RAB3C: variants seen among roughly 807,000 people sequenced by gnomAD.
RAB3C encodes RAB3C, member RAS oncogene family, also known as ras-related protein Rab-3C.
RAB3C carries 17 observed loss-of-function variants against 26.4 expected under a neutral mutation model. That is an observed-to-expected ratio of 0.64 (90% confidence interval 0.44 to 0.97). RAB3C has a LOEUF of 0.97. Ranked by LOEUF, RAB3C falls within the 50% of genes least tolerant of loss-of-function variation. The probability of loss-of-function intolerance (pLI) is 0.00; values close to 1 mark genes in which losing one functional copy is unlikely to be tolerated. For synonymous variants in RAB3C, 91 were observed against 95.9 expected, an observed-to-expected ratio of 0.95 and a Z score of 0.30; for missense variants, 242 against 281.9, an observed-to-expected ratio of 0.86 and a Z score of 1.01.
chr5:58,698,980 C>T (rs1039222817), intron 2 of RAB3C, among the ~76,000 whole-genome samples: 10 of 152,186 alleles, frequency 6.6e-5, no homozygotes, highest in African/African-American at 1.4e-4. Context: ...TCACAAGGAG[C>T]TGCGATCCTT....
rs536945053 is a variant in RAB3C at position 58,768,504 on chromosome 5, T to C, written c.371+42384T>C. Among the ~76,000 whole-genome samples the C allele has an allele frequency of 2.0e-5, 3 of 152,064 alleles. No individual in the cohort carries two copies. In the East Asian group the frequency reaches 5.8e-4, roughly 29 times the overall value. ...AACAGATAAAATATGCAGTATCAGA[T>C]GGTGATATGTGCTTTGAAGAAAATA... On this transcript the variant is annotated intron_variant, in intron 3 of 4. Coordinates refer to ENST00000282878, the MANE Select transcript of RAB3C (RefSeq NM_138453.4).
intron 3 of RAB3C, chr5:58,741,851 A>C (rs550155169): frequency 2.0e-5 from 3 of 152,080 alleles, no homozygotes; most frequent in Admixed American, 6.5e-5. Flanking sequence ...CTAAAAATAC[A>C]AAAATTAGCA....
intron 2 of RAB3C, among the ~76,000 whole-genome samples, chr5:58,725,209 C>T (rs1740861596): frequency 6.6e-6 from 1 of 151,776 alleles, no homozygotes; most frequent in African/African-American, 2.4e-5. Flanking sequence ...CTACAGTATT[C>T]TTGGATGGCA....
intron 4 of RAB3C, among the ~76,000 whole-genome samples, chr5:58,837,745 G>C (rs987348099): frequency 4.7e-5 from 7 of 150,082 alleles, no homozygotes; most frequent in Non-Finnish European, 9.0e-5. Flanking sequence ...ATTTAGTAGA[G>C]ATGGGGTATC....
chr5:58,611,873 T>G (rs188523130), intron 1 of RAB3C, among the ~76,000 whole-genome samples: 11 of 152,210 alleles, frequency 7.2e-5, no homozygotes, highest in Admixed American at 5.9e-4. Context: ...TGTTTTATAT[T>G]TAAGCCTTTA....
rs36004499 is a variant in RAB3C at position 58,591,586 on chromosome 5, G to GTATATA, written c.24+8371_24+8376dup. On this transcript the variant is annotated intron_variant, in intron 1 of 4. Transcript: ENST00000282878. The stretch of plus-strand genomic sequence containing the variant: ...TTGCCTTCTTAATAGTATTTTCATA[G>GTATATA]TATATATATATATATATATATAATT... 7.1e-3 allele frequency among the ~76,000 whole-genome samples: 353 copies of GTATATA among 49,568 alleles called. 1 individual carries two copies. The highest frequency in any genetic ancestry group is 0.026 in the African/African-American group (321 of 12,406). 32.5% of individuals were successfully genotyped at this position (49,568 alleles called of 152,430 possible). A position where few individuals can be genotyped will look rare whatever the true frequency, so the allele number is the denominator to read the frequency against.
At chr5:58,842,890 A>G (rs1028915408) in intron 4 of RAB3C, among the ~76,000 whole-genome samples, 1 of 151,276 alleles carries the variant, frequency 6.6e-6, no homozygotes, top group African/African-American at 2.4e-5. Flanking sequence ...AGATATTAGT[A>G]CATATTAGAA....
chr5:58,839,971 G>A (rs1743842126), intron 4 of RAB3C, among the ~76,000 whole-genome samples: 1 of 151,304 alleles, frequency 6.6e-6, no homozygotes, highest in Non-Finnish European at 1.5e-5. Flanking sequence ...TCCTATAGGG[G>A]TTCTGTGAGA....
At chr5:58,610,194 C>CTGTGTGTGTG (rs1168785442) in intron 1 of RAB3C, among the ~76,000 whole-genome samples, 3,375 of 143,406 alleles carry the variant, frequency 0.024, 44 homozygotes, top group African/African-American at 0.027. Flanking sequence ...TTTTGTTTTT[C>CTGTGTGTGTG]TGTGTGTGTG....
intron 4 of RAB3C, among the ~76,000 whole-genome samples, chr5:58,839,884 G>T (rs1914024): frequency 0.5 from 76,007 of 150,864 alleles, 19,465 homozygotes; most frequent in Middle Eastern, 0.67. Context: ...GGATGGCTTT[G>T]CTGGGTATAA....
chr5:58,610,194 CTGTGTGTG>C (rs1168785442), intron 1 of RAB3C, among the ~76,000 whole-genome samples: 2 of 143,386 alleles, frequency 1.4e-5, no homozygotes, highest in African/African-American at 2.6e-5. Context: ...TTTTGTTTTT[CTGTGTGTG>C]TGTGTGTGTG....
At chr5:58,703,848 G>A (rs923139992) in intron 2 of RAB3C, among the ~76,000 whole-genome samples, 1 of 152,106 alleles carries the variant, frequency 6.6e-6, no homozygotes, top group African/African-American at 2.4e-5. Flanking sequence ...CAGCTATTTG[G>A]GAGCACTAAT....
At chr5:58,617,520 G>A (rs763521363) in intron 1 of RAB3C, 123 bp from the exon 2 acceptor site, 7 of 824,206 alleles carry the variant, frequency 8.5e-6, no homozygotes, top group Non-Finnish European at 8.7e-6. Flanking sequence ...CTCACCACTC[G>A]CCTCCTGAGT....
At chr5:58,712,960 G>A (rs1749093568) in intron 2 of RAB3C, among the ~76,000 whole-genome samples, 1 of 151,994 alleles carries the variant, frequency 6.6e-6, no homozygotes, top group Non-Finnish European at 1.5e-5. Flanking sequence ...GTACAGGCTG[G>A]GAAACATGGC....
chr5:58,590,687 C>T (rs1037609816), intron 1 of RAB3C, among the ~76,000 whole-genome samples: 1 of 152,056 alleles, frequency 6.6e-6, no homozygotes, highest in South Asian at 2.1e-4. Context: ...GGAACACAGG[C>T]GCCCACCACC....
At chr5:58,612,518 G>GTGTGTGTATATATATATA (rs1242197761) in intron 1 of RAB3C, among the ~76,000 whole-genome samples, 161 of 40,532 alleles carry the variant, frequency 4.0e-3, no homozygotes, top group African/African-American at 0.011. Context: ...GTGTGTGTGT[G>GTGTGTGTATATATATATA]TGTATATATA....
chr5:58,843,987 CT>C (rs955943040), intron 4 of RAB3C, among the ~76,000 whole-genome samples: 1 of 152,042 alleles, frequency 6.6e-6, no homozygotes, highest in African/African-American at 2.4e-5. Flanking sequence ...TAAAAAAAAC[CT>C]TTTAATTAGC....
At chr5:58,602,769 G>T (rs1319171268) in intron 1 of RAB3C, among the ~76,000 whole-genome samples, 1 of 152,106 alleles carries the variant, frequency 6.6e-6, no homozygotes, top group Non-Finnish European at 1.5e-5. Flanking sequence ...GGAGATAGTT[G>T]GTTGGTGAGT....
At chr5:58,711,816 G>A (rs1013178017) in intron 2 of RAB3C, among the ~76,000 whole-genome samples, 3 of 151,976 alleles carry the variant, frequency 2.0e-5, no homozygotes, top group Non-Finnish European at 4.4e-5. Flanking sequence ...ATTTGTTCTT[G>A]GTACCTTCCC....
Sources: gnomAD v4.1 joint callset for allele counts (sites outside exome capture counted in the v4.1 genomes callset) on GRCh38, gnomAD v4.1.1 for gene constraint, MANE v1.5 for transcripts, NCBI Gene and HGNC (gene_info 2026-07-23, HGNC 2026-07-21) for gene names.